Variants in RAPGEF5 observed in about 807,000 individuals in gnomAD.
RAPGEF5 encodes M-Ras-regulated GEF.
In RAPGEF5, 65 loss-of-function variants were observed where a neutral mutation model predicts 125.2. The observed-to-expected ratio is 0.52, with a 90% CI of 0.43 to 0.64. The LOEUF (loss-of-function observed/expected upper bound fraction) is 0.64, where lower values mean the gene tolerates loss of function less well. Ranked by LOEUF, RAPGEF5 falls within the 30% of genes least tolerant of loss-of-function variation. The pLI is 0.00. For synonymous variants in RAPGEF5, 391 were observed against 385.9 expected (o/e 1.01, Z -0.16); for missense variants, 958 against 1,048.1 (o/e 0.91, Z 1.19).
chr7:22,135,714 T>C lies in RAPGEF5; in HGVS notation c.2416+324A>G, dbSNP rs1013072164. Among the ~76,000 whole-genome samples, 17 of 152,204 alleles carry C rather than the reference T, an allele frequency of 1.1e-4. 1 individual carries two copies. The highest frequency in any genetic ancestry group is 1.0e-3 in the Admixed American group (16 of 15,282). Reference sequence around the variant, plus strand: ...GGGTTCTTTATGCCAGCCTTATTCTTGGTTGAATTCGGTGGATTGTTGGCT... The same window carrying C: ...GGGTTCTTTATGCCAGCCTTATTCTCGGTTGAATTCGGTGGATTGTTGGCT... On this transcript the variant is annotated intron_variant, in intron 23 of 25. Coordinates refer to ENST00000665637, the MANE Select transcript of RAPGEF5 (RefSeq NM_012294.5).
At chr7:22,338,882 C>T (rs1784073580) in intron 1 of RAPGEF5, among the ~76,000 whole-genome samples, 1 of 152,160 alleles carries the variant, frequency 6.6e-6, no homozygotes. Flanking sequence ...AGAAGACCAT[C>T]AGGTGAGGAT....
rs139357441 is a variant in RAPGEF5 at position 22,128,705 on chromosome 7, C to T, written c.2481+2332G>A. Among the ~76,000 whole-genome samples the T allele has an allele frequency of 1.9e-3, 288 of 152,262 alleles. 2 individuals are homozygous for T. The highest frequency in any genetic ancestry group is 0.014 in the East Asian group (70 of 5,166). ...TCTACTCTGTGTAAGGAGGGGTCAG[C>T]ATGAGGCATGCTGTGGACCAGGAGC... On this transcript the variant is annotated intron_variant, in intron 24 of 25. Coordinates refer to ENST00000665637, the MANE Select transcript of RAPGEF5 (RefSeq NM_012294.5).
chr7:22,236,271 C>A (rs552954889), intron 7 of RAPGEF5, among the ~76,000 whole-genome samples: 10 of 152,160 alleles, frequency 6.6e-5, no homozygotes, highest in Non-Finnish European at 1.2e-4. Flanking sequence ...ACTTTCACTG[C>A]AATACAGTTT....
intron 24 of RAPGEF5, among the ~76,000 whole-genome samples, chr7:22,126,097 C>T (rs1295130031): frequency 2.0e-5 from 3 of 152,076 alleles, no homozygotes; most frequent in East Asian, 1.9e-4. Context: ...TGCAGTGAGC[C>T]AAGATCCCAT....
rs1782872344 is a variant in RAPGEF5, at chr7:22,289,211, T to C, written c.747+1964A>G. Among the ~76,000 whole-genome samples, 3 of 152,262 alleles carry C rather than the reference T, an allele frequency of 2.0e-5. No homozygotes were observed. In the South Asian group the frequency reaches 6.2e-4, roughly 31 times the overall value. ...TAGCCTTCTGAATATATCTGTCTTA[T>C]CTTCTTGGTGTGGCTATAGGAACCA... On this transcript the variant is annotated intron_variant, in intron 6 of 25. Coordinates refer to ENST00000665637, the MANE Select transcript of RAPGEF5 (RefSeq NM_012294.5).
At chr7:22,260,531 G>GAAA (rs1265962194) in intron 7 of RAPGEF5, among the ~76,000 whole-genome samples, 1 of 88,426 alleles carries the variant, frequency 1.1e-5, no homozygotes, top group Non-Finnish European at 2.1e-5. Context: ...ATTAGGACCA[G>GAAA]TAAAAAAAAA....
At chr7:22,231,223 G>A (rs1786047356) in intron 7 of RAPGEF5, among the ~76,000 whole-genome samples, 1 of 152,128 alleles carries the variant, frequency 6.6e-6, no homozygotes, top group Admixed American at 6.5e-5. Flanking sequence ...GCAGCTGTGG[G>A]TATAAGATGA....
intron 7 of RAPGEF5, among the ~76,000 whole-genome samples, chr7:22,262,039 A>G (rs983754358): frequency 1.3e-5 from 2 of 152,204 alleles, no homozygotes; most frequent in Non-Finnish European, 2.9e-5. Flanking sequence ...TAAAAGACTC[A>G]TTAAAAATTA....
At chr7:22,163,335 A>T (rs974321670) in intron 12 of RAPGEF5, among the ~76,000 whole-genome samples, 4 of 152,256 alleles carry the variant, frequency 2.6e-5, no homozygotes, top group Non-Finnish European at 4.4e-5. Context: ...CATTTAACGG[A>T]CTATTCAGCA....
chr7:22,313,307 A>G (rs555941529), intron 3 of RAPGEF5, among the ~76,000 whole-genome samples: 62 of 152,346 alleles, frequency 4.1e-4, no homozygotes, highest in African/African-American at 1.4e-3. Context: ...ACGTCTCAGA[A>G]ACCAGTGTGA....
chr7:22,122,775 C>T (rs754646766), intron 25 of RAPGEF5, among the ~76,000 whole-genome samples: 6 of 152,160 alleles, frequency 3.9e-5, no homozygotes, highest in Non-Finnish European at 8.8e-5. Context: ...TTAGAAATTA[C>T]GTTATTATCT....
Position 22,219,881 on chromosome 7 carries a change from C to T in RAPGEF5, c.981G>A (p.Gln327=). 2 of 1,612,388 alleles carry T rather than the reference C, an allele frequency of 1.2e-6. No individual in the cohort carries two copies. The highest frequency in any genetic ancestry group is 1.3e-5 in the African/African-American group (1 of 75,006). The change falls in exon 9 of 26, where the codon CAG becomes CAA. Residue 327 remains glutamine, a synonymous_variant. Transcript: ENST00000665637. ...AAAGGCTTACGTGTTCAGACTTCTC[C>T]TGTTCTTTTTTGTCCGTCTGCAAAA... ...YQFLQTDKKE[Q]EKSEHQDDEV...
chr7:22,134,247 C>CT (rs1396560475), intron 23 of RAPGEF5, among the ~76,000 whole-genome samples: 1 of 152,128 alleles, frequency 6.6e-6, no homozygotes, highest in Non-Finnish European at 1.5e-5. Context: ...AAAACAGTAA[C>CT]TTTAAGTACA....
intron 20 of RAPGEF5, among the ~76,000 whole-genome samples, chr7:22,141,367 C>T (rs2128103923): frequency 6.6e-6 from 1 of 152,312 alleles, no homozygotes; most frequent in African/African-American, 2.4e-5. Context: ...ACCGCTGTCT[C>T]CTAAAGCTAT....
At chr7:22,350,506 T>C (rs1292992055) in intron 1 of RAPGEF5, among the ~76,000 whole-genome samples, 1 of 152,200 alleles carries the variant, frequency 6.6e-6, no homozygotes, top group African/African-American at 2.4e-5. Context: ...CACTTTATAT[T>C]CTATTCATGG....
chr7:22,121,163 T>C lies in RAPGEF5; in HGVS notation c.*1243A>G, dbSNP rs1782569929. The C allele has an allele frequency of 6.6e-6, 1 of 150,948 alleles. No homozygotes were observed. The highest frequency in any genetic ancestry group is 2.4e-5 in the African/African-American group (1 of 40,936). 9.4% of individuals were successfully genotyped at this position (150,948 alleles called of 1,614,324 possible). A position where few individuals can be genotyped will look rare whatever the true frequency, so the allele number is the denominator to read the frequency against. On this transcript the variant is annotated 3_prime_UTR_variant, in exon 26 of 26. Coordinates refer to ENST00000665637, the MANE Select transcript of RAPGEF5 (RefSeq NM_012294.5). ...TCCTTGAAAATATCAAGAGGTCTTA[T>C]TTGCTACAGGAGCCTCAATTGGTAA...
At chr7:22,135,000 C>T (rs920747227) in intron 23 of RAPGEF5, among the ~76,000 whole-genome samples, 6 of 152,178 alleles carry the variant, frequency 3.9e-5, no homozygotes, top group Admixed American at 6.5e-5. Flanking sequence ...AGTAGCTGCA[C>T]GATGTACGGC....
At chr7:22,289,521 G>A (rs757488677) in intron 6 of RAPGEF5, among the ~76,000 whole-genome samples, 1 of 152,224 alleles carries the variant, frequency 6.6e-6, no homozygotes, top group Non-Finnish European at 1.5e-5. Flanking sequence ...AACACACAAC[G>A]TTTAACACAG....
At chr7:22,134,867 G>A (rs1000402276) in intron 23 of RAPGEF5, among the ~76,000 whole-genome samples, 1 of 152,190 alleles carries the variant, frequency 6.6e-6, no homozygotes, top group African/African-American at 2.4e-5. Context: ...TCACGCATTT[G>A]TATTTAACAG....
Sources: gnomAD v4.1 joint callset for allele counts (sites outside exome capture counted in the v4.1 genomes callset) on GRCh38, gnomAD v4.1.1 for gene constraint, MANE v1.5 for transcripts, NCBI Gene and HGNC (gene_info 2026-07-23, HGNC 2026-07-21) for gene names.